ACYP2: variants seen among roughly 807,000 people sequenced by gnomAD.
ACYP2 encodes the protein acylphosphatase-2.
Under a neutral mutation model 11.2 loss-of-function variants are expected in ACYP2, and 12 were observed. The observed-to-expected ratio is 1.08, with a 90% confidence interval of 0.69 to 1.74. ACYP2 has a LOEUF of 1.74. Among genes scored for constraint, ACYP2 ranks in the 40% most tolerant of loss-of-function variants. The probability of loss-of-function intolerance (pLI) is 0.00; values close to 1 mark genes in which losing one functional copy is unlikely to be tolerated. For synonymous variants in ACYP2, 43 were observed against 32.2 expected, an observed-to-expected ratio of 1.33 and a Z score of -1.13; for missense variants, 134 against 101.9, an observed-to-expected ratio of 1.31 and a Z score of -1.35.
chr2:54,234,241 C>A (rs1010251137), intron 6 of ACYP2, among the ~76,000 whole-genome samples: 4 of 152,176 alleles, frequency 2.6e-5, no homozygotes, highest in Admixed American at 2.0e-4. Context: ...TCATTGTAAA[C>A]GGATTTTATC....
At chr2:54,255,910 T>C in intron 6 of ACYP2, 1 of 1,614,074 alleles carries the variant, frequency 6.2e-7, no homozygotes, top group Non-Finnish European at 8.5e-7. Flanking sequence ...GATGGCTCCA[T>C]GACTGCGACC....
At chr2:54,108,330 G>A (rs1679278261) in intron 4 of ACYP2, among the ~76,000 whole-genome samples, 3 of 152,220 alleles carry the variant, frequency 2.0e-5, no homozygotes, top group African/African-American at 4.8e-5. Context: ...TGCAATGGAT[G>A]TGTGTACCAA....
chr2:54,025,391 C>G (rs539963948), intron 2 of ACYP2, among the ~76,000 whole-genome samples: 1 of 152,126 alleles, frequency 6.6e-6, no homozygotes, highest in African/African-American at 2.4e-5. Context: ...GCACATAGAC[C>G]AGCAGAACAG....
chr2:54,141,948 C>A, intron 6 of ACYP2: 1 of 584,130 alleles, frequency 1.7e-6, no homozygotes, highest in Non-Finnish European at 3.2e-6. Flanking sequence ...AGTGATCTTC[C>A]CACGTCAACC....
At chr2:54,090,285 T>A (rs1319122796) in intron 4 of ACYP2, among the ~76,000 whole-genome samples, 3 of 152,154 alleles carry the variant, frequency 2.0e-5, no homozygotes, top group African/African-American at 7.2e-5. Context: ...CTCCTGCTTT[T>A]CTACTGCATG....
At chr2:54,201,642 C>CTTTCTTTCTT (rs1553391370) in intron 6 of ACYP2, among the ~76,000 whole-genome samples, 11 of 78,252 alleles carry the variant, frequency 1.4e-4, no homozygotes, top group South Asian at 5.1e-4. Context: ...CTTTCTCTTT[C>CTTTCTTTCTT]TTTCTTTCTT....
At chr2:54,103,435 T>C (rs1478210591) in intron 4 of ACYP2, among the ~76,000 whole-genome samples, 3 of 152,258 alleles carry the variant, frequency 2.0e-5, no homozygotes, top group Non-Finnish European at 4.4e-5. Flanking sequence ...TTCCTTTCAG[T>C]TTTGCATGCT....
At chr2:54,032,215 G>C (rs1304753685) in intron 2 of ACYP2, among the ~76,000 whole-genome samples, 1 of 152,192 alleles carries the variant, frequency 6.6e-6, no homozygotes, top group East Asian at 1.9e-4. Flanking sequence ...CCTATGTCCT[G>C]AATGGTATTG....
chr2:54,071,047 C>T (rs745602463), intron 4 of ACYP2, among the ~76,000 whole-genome samples: 17 of 152,046 alleles, frequency 1.1e-4, no homozygotes, highest in Non-Finnish European at 1.8e-4. Flanking sequence ...ACACTGCACC[C>T]GGCCTCAAAA....
At chr2:54,094,841 ATATTT>A (rs1203020123) in intron 4 of ACYP2, among the ~76,000 whole-genome samples, 1 of 151,828 alleles carries the variant, frequency 6.6e-6, no homozygotes, top group Admixed American at 6.6e-5. Context: ...GCCAGGCAAA[ATATTT>A]TATTGTATTT....
intron 6 of ACYP2, among the ~76,000 whole-genome samples, chr2:54,236,214 A>G (rs1686470563): frequency 2.0e-5 from 3 of 151,970 alleles, no homozygotes; most frequent in Admixed American, 2.0e-4. Flanking sequence ...GGGATTACTA[A>G]ATAGGTGTGA....
At chr2:54,221,462 C>G (rs1685797577) in intron 6 of ACYP2, among the ~76,000 whole-genome samples, 1 of 150,154 alleles carries the variant, frequency 6.7e-6, no homozygotes, top group African/African-American at 2.5e-5. Context: ...TATAAAACAC[C>G]AATTATTTGA....
At chr2:54,067,772 G>C (rs1261460472) in intron 4 of ACYP2, among the ~76,000 whole-genome samples, 3 of 152,092 alleles carry the variant, frequency 2.0e-5, no homozygotes, top group Non-Finnish European at 2.9e-5. Flanking sequence ...CAAACCTGTA[G>C]GGGAAAGTAA....
intron 6 of ACYP2, among the ~76,000 whole-genome samples, chr2:54,257,228 AAAG>A (rs1351707849): frequency 6.6e-6 from 1 of 152,166 alleles, no homozygotes; most frequent in Non-Finnish European, 1.5e-5. Flanking sequence ...AAGAAGAAAA[AAAG>A]AGGAATCTTA....
At chr2:53,981,496 A>G (rs1337746467) in intron 2 of ACYP2, among the ~76,000 whole-genome samples, 1 of 152,198 alleles carries the variant, frequency 6.6e-6, no homozygotes, top group Admixed American at 6.5e-5. Context: ...GTGAAGTTAC[A>G]AAGTTAAACT....
In ACYP2 at chr2:54,161,878, C is replaced by T. The variant is rs1297457445; in HGVS notation, c.404+23130C>T. Reference sequence around the variant, plus strand: ...CTTTTTTCAAACTCTAGATGGAGCTCTTTGGTTTTTATATATTCTTTTATT... The same window carrying T: ...CTTTTTTCAAACTCTAGATGGAGCTTTTTGGTTTTTATATATTCTTTTATT... On this transcript the variant is annotated intron_variant, in intron 6 of 6. Coordinates refer to ENST00000607452, the MANE Select transcript of ACYP2 (RefSeq NM_001320586.2). Among the ~76,000 whole-genome samples the T allele has an allele frequency of 2.0e-5, 3 of 151,854 alleles. No homozygotes were observed. In the South Asian group the frequency reaches 6.2e-4, roughly 32 times the overall value.
chr2:54,194,037 AT>A (rs1222539669), intron 6 of ACYP2, among the ~76,000 whole-genome samples: 2 of 151,762 alleles, frequency 1.3e-5, no homozygotes, highest in African/African-American at 4.8e-5. Flanking sequence ...CCCCATCAAC[AT>A]TTTCTTTTTT....
chr2:54,006,274 A>G (rs1379393670), intron 2 of ACYP2, among the ~76,000 whole-genome samples: 2 of 152,032 alleles, frequency 1.3e-5, no homozygotes, highest in East Asian at 3.9e-4. Context: ...CGGCCCCCCA[A>G]GTAGCTGGGA....
intron 6 of ACYP2, among the ~76,000 whole-genome samples, chr2:54,248,477 C>T (rs1479137715): frequency 1.3e-5 from 2 of 151,988 alleles, no homozygotes; most frequent in African/African-American, 4.8e-5. Context: ...GAAAAGATAG[C>T]CCCCTACTCT....
Sources: allele counts gnomAD v4.1 joint callset (sites outside exome capture counted in the v4.1 genomes callset), GRCh38; gene constraint gnomAD v4.1.1; transcripts MANE v1.5; gene names NCBI Gene and HGNC (gene_info 2026-07-23, HGNC 2026-07-21).